GMIP: variants seen among roughly 807,000 people sequenced by gnomAD.
GMIP encodes the protein GEM interacting protein.
Under a neutral mutation model 105.3 loss-of-function variants are expected in GMIP, and 54 were observed. The observed-to-expected ratio is 0.51, with a 90% CI of 0.41 to 0.64. The LOEUF is 0.64. GMIP is among the 30% of genes least tolerant of loss of function. The pLI, the probability that GMIP is intolerant of heterozygous loss-of-function variation, is 0.00. For synonymous variants in GMIP, 541 were observed against 560.8 expected, an observed-to-expected ratio of 0.96 and a Z score of 0.50; for missense variants, 1,110 against 1,319.4, an observed-to-expected ratio of 0.84 and a Z score of 2.46.
intron 13 of GMIP, among the ~76,000 whole-genome samples, chr19:19,636,033 G>A (rs566923528): frequency 6.6e-6 from 1 of 151,886 alleles, no homozygotes; most frequent in African/African-American, 2.4e-5. Context: ...GCAAAACCTT[G>A]TCTCTACTAA....
Position 19,641,989 on chromosome 19 carries a change from G to A in GMIP, c.167C>T (p.Pro56Leu). The A allele has an allele frequency of 6.2e-7, 1 of 1,613,090 alleles. No homozygotes were observed. Among genetic ancestry groups the A allele is most frequent in the Non-Finnish European group, 8.5e-7 (1 of 1,179,096 alleles). Reference protein sequence around the residue: ...LSEDPEPDKTPTATVTNEASC... With the variant: ...LSEDPEPDKTLTATVTNEASC... ...CTCCCCACTCACAACAGTGGCTGTA[G>A]GGGTCTTGTCAGGTTCTGGGTCTTC... The change falls in exon 3 of 21, where the codon CCT becomes CTT. Residue 56 changes from proline (P) to leucine (L), a missense_variant. By Grantham distance (98) the Pro-to-Leu change is moderately conservative. Around this residue, in one of 3 missense-constraint regions of GMIP, gnomAD observed 667 missense variants for 773.2 expected, o/e 0.86. Transcript: ENST00000203556.
In GMIP at chr19:19,634,967, G is replaced by A; in HGVS notation, c.1750-38C>T. The A allele has an allele frequency of 6.2e-7, 1 of 1,613,532 alleles. No homozygotes were observed. Among genetic ancestry groups the A allele is most frequent in the Non-Finnish European group, 8.5e-7 (1 of 1,179,626 alleles). On this transcript the variant is annotated intron_variant, in intron 16 of 20. Transcript: ENST00000203556. This position sits in a 1 kb window ranked among gnomAD's most constrained non-coding sequence, Gnocchi z 6.1. ...GGTGAAAAACAGACACCTGGTTCGT[G>A]ATAGGCCATCGATTCGGTCAGGTCA...
Position 19,643,630 on chromosome 19 carries a change from G to GCCC in GMIP, c.-102_-101insGGG. ...TCCTGCCGCCGCAGCCGCCGCCGCCGCCTCGGTTCCGCGTCGCCCTGCCCA... is the reference window on the plus strand; with the variant it reads ...TCCTGCCGCCGCAGCCGCCGCCGCCGCCCCCTCGGTTCCGCGTCGCCCTGCCCA... On this transcript the variant is annotated 5_prime_UTR_variant, in exon 1 of 21. Transcript: ENST00000203556. The GCCC allele has an allele frequency of 9.4e-7, 1 of 1,060,214 alleles. No homozygotes were observed. Among genetic ancestry groups the GCCC allele is most frequent in the Non-Finnish European group, 1.4e-6 (1 of 740,736 alleles). The allele number at this position is 1,060,214 out of a possible 1,614,324, so 65.7% of individuals were successfully genotyped here.
rs561648624 is a variant in GMIP, at chr19:19,629,811, G to A, written c.*152C>T. ...GGGTTTTAGGCCTCCCCTAGGTCAT[G>A]TATTAAATAGTTTTTCCTTATAGGA... is the stretch of plus-strand genomic sequence containing the variant. On this transcript the variant is annotated 3_prime_UTR_variant, in exon 21 of 21. Coordinates refer to ENST00000203556, the MANE Select transcript of GMIP (RefSeq NM_016573.4). 7.4e-5 allele frequency: 54 copies of A among 727,282 alleles called. No homozygotes were observed. The South Asian group carries it at 1.0e-3, about 13-fold the overall frequency. 45.1% of individuals were successfully genotyped at this position (727,282 alleles called of 1,614,324 possible). A position where few individuals can be genotyped will look rare whatever the true frequency, so the allele number is the denominator to read the frequency against.
intron 13 of GMIP, among the ~76,000 whole-genome samples, chr19:19,636,189 G>A (rs1234300481): frequency 7.2e-6 from 1 of 139,710 alleles, no homozygotes; most frequent in Non-Finnish European, 1.5e-5. Context: ...GGGCAACAGA[G>A]CAAGACTCTG....
Position 19,643,642 on chromosome 19 carries a change from C to T in GMIP, c.-113G>A, listed in dbSNP as rs2061950320. 2.2e-6 allele frequency: 2 copies of T among 918,012 alleles called. No homozygotes were observed. The highest frequency in any genetic ancestry group is 1.8e-5 in the South Asian group (1 of 56,554). 56.9% of individuals were successfully genotyped at this position (918,012 alleles called of 1,614,324 possible). A position where few individuals can be genotyped will look rare whatever the true frequency, so the allele number is the denominator to read the frequency against. On this transcript the variant is annotated 5_prime_UTR_variant, in exon 1 of 21. Coordinates refer to ENST00000203556, the MANE Select transcript of GMIP (RefSeq NM_016573.4). ...AGCCGCCGCCGCCGCCTCGGTTCCGCGTCGCCCTGCCCAGCGGAGGCCACG... is the reference window on the plus strand; with the variant it reads ...AGCCGCCGCCGCCGCCTCGGTTCCGTGTCGCCCTGCCCAGCGGAGGCCACG...
chr19:19,643,185 G>A (rs540706313), intron 1 of GMIP: 17 of 343,020 alleles, frequency 5.0e-5, no homozygotes, highest in East Asian at 5.0e-5. Context: ...GGGCCCTGTG[G>A]GGATCCTACC....
chr19:19,636,658 G>A (rs1373711166), intron 13 of GMIP, 49 bp downstream of exon 13: 1 of 1,361,166 alleles, frequency 7.3e-7, no homozygotes, highest in African/African-American at 1.4e-5. Context: ...CCAGGGGCTG[G>A]AGGATGGTCA....
rs375796180 is a variant in GMIP, at chr19:19,635,371, T to C, written c.1560+44A>G. ...TAGGAATCTCAGGTCAGGGAGATGA[T>C]CAAGGGTCAGCAAAGGTCATTTGGT... On this transcript the variant is annotated intron_variant, in intron 15 of 20. Coordinates refer to ENST00000203556, the MANE Select transcript of GMIP (RefSeq NM_016573.4). The surrounding 1 kb of genome is among the most constrained non-coding windows in gnomAD (Gnocchi z 4.7). 36 of 1,593,664 alleles carry C rather than the reference T, an allele frequency of 2.3e-5. No homozygotes were observed. Among genetic ancestry groups the C allele is most frequent in the East Asian group, 1.3e-4 (6 of 44,686 alleles).
At chr19:19,631,124 C>A (rs1313819985) in intron 19 of GMIP, among the ~76,000 whole-genome samples, 1 of 152,088 alleles carries the variant, frequency 6.6e-6, no homozygotes, top group Non-Finnish European at 1.5e-5. Flanking sequence ...TCGCTTGGAC[C>A]TGGGAGGTGG....
chr19:19,632,898 C>G (rs1461913716), intron 19 of GMIP, among the ~76,000 whole-genome samples: 2 of 152,148 alleles, frequency 1.3e-5, no homozygotes, highest in African/African-American at 4.8e-5. Flanking sequence ...TTGCCTGGAA[C>G]ACCCTTCACC....
At chr19:19,636,652 G>A in intron 13 of GMIP, 55 bp downstream of exon 13, 1 of 1,306,552 alleles carries the variant, frequency 7.7e-7, no homozygotes, top group South Asian at 1.2e-5. Flanking sequence ...GCTTGGCCAG[G>A]GGCTGGAGGA....
rs2061922983 is a variant in GMIP at position 19,641,830 on chromosome 19, T to A, written c.218A>T (p.Glu73Val). The A allele has an allele frequency of 3.7e-6, 6 of 1,612,338 alleles. No homozygotes were observed. The highest frequency in any genetic ancestry group is 5.1e-6 in the Non-Finnish European group (6 of 1,179,706). The change falls in exon 4 of 21, where the codon GAG becomes GTG. Residue 73 changes from glutamate to valine, a missense_variant. Glu to Val is a moderately radical substitution (Grantham distance 121). Around this residue, in one of 3 missense-constraint regions of GMIP, gnomAD observed 667 missense variants for 773.2 expected, o/e 0.86. Coordinates refer to ENST00000203556, the MANE Select transcript of GMIP (RefSeq NM_016573.4). ...EASCWSGPSPEGPVPLTGEEL... is the reference protein window; with the variant it reads ...EASCWSGPSPVGPVPLTGEEL... ...CCTACCTGTGAGGGGTACAGGACCC[T>A]CTGGGGAGGGGCCGCTCCAACAGCT...
intron 19 of GMIP, among the ~76,000 whole-genome samples, chr19:19,631,171 A>G (rs1441172922): frequency 1.3e-5 from 2 of 152,138 alleles, no homozygotes; most frequent in Non-Finnish European, 2.9e-5. Flanking sequence ...CCTGCACTCC[A>G]GTCTGGGTGA....
chr19:19,635,706 TGCCTCGTGCCAGCG>T lies in GMIP; in HGVS notation c.1329_1342del (p.Thr446GlufsTer8). On this transcript the variant is annotated frameshift_variant and splice_region_variant, in exon 14 of 21. Transcript: ENST00000203556. LOFTEE classifies it high-confidence loss of function. This position sits in a 1 kb window ranked among gnomAD's most constrained non-coding sequence, Gnocchi z 4.7. ...GCCTGTGGACGAAGCCTTCACCAGC[TGCCTCGTGCCAGCG>T]CCTGGGGTCAGAGGAATCATGGGAG... 1.9e-6 allele frequency: 3 copies of T among 1,614,138 alleles called. No homozygotes were observed. The highest frequency in any genetic ancestry group is 1.7e-6 in the Non-Finnish European group (2 of 1,179,964).
rs776245274 is a variant in GMIP, at chr19:19,637,377, G to A, written c.1112C>T (p.Pro371Leu). Residue 371 changes from proline to leucine, a missense_variant, in exon 11 of 21, where the codon CCC (proline) becomes CTC (leucine). Around this residue, in one of 3 missense-constraint regions of GMIP, gnomAD observed 667 missense variants for 773.2 expected, o/e 0.86. Coordinates refer to ENST00000203556, the MANE Select transcript of GMIP (RefSeq NM_016573.4). This position sits in a 1 kb window ranked among gnomAD's most constrained non-coding sequence, Gnocchi z 6.7. ...TCCAGTGACCCACCTGTTCAAGGAG[G>A]GAAGGAACTCCTGGAAGGAGAAGGC... Reference protein sequence around the residue: ...PPAFSFQEFLPSLNSSPLDIR... With the variant: ...PPAFSFQEFLLSLNSSPLDIR... The A allele has an allele frequency of 2.0e-6, 3 of 1,506,002 alleles. No homozygotes were observed. The Admixed American group carries it at 7.3e-5, about 37-fold the overall frequency. The allele number at this position is 1,506,002 out of a possible 1,614,324, so 93.3% of individuals were successfully genotyped here.
intron 5 of GMIP, 34 bp from the exon 6 acceptor site, chr19:19,640,394 C>T: frequency 6.2e-7 from 1 of 1,614,118 alleles, no homozygotes; most frequent in East Asian, 2.2e-5. Flanking sequence ...CTGGGTCTAG[C>T]TGGGGTCTGG....
chr19:19,630,049 G>C lies in GMIP; in HGVS notation c.2827C>G (p.Leu943Val), dbSNP rs2061776137. Residue 943 changes from leucine (L) to valine (V), a missense_variant, in exon 21 of 21, where the codon CTA becomes GTA. By Grantham distance (32) the Leu-to-Val change is conservative (BLOSUM62 1). Coordinates refer to ENST00000203556, the MANE Select transcript of GMIP (RefSeq NM_016573.4). This position sits in a 1 kb window ranked among gnomAD's most constrained non-coding sequence, Gnocchi z 4.8. ...HFEITQETAR[L>V]LSKLDSEAVP... ...GCCTCGCTGTCCAATTTCGAGAGTA[G>C]CCGGGCTGTCTCCTGGGTAATCTCA... is the stretch of plus-strand genomic sequence containing the variant. The C allele has an allele frequency of 6.2e-7, 1 of 1,609,334 alleles. No homozygotes were observed. Among genetic ancestry groups the C allele is most frequent in the East Asian group, 2.2e-5 (1 of 44,740 alleles).
Position 19,633,985 on chromosome 19 carries a change from G to T in GMIP, c.2290C>A (p.Gln764Lys). 6.2e-7 allele frequency: 1 copy of T among 1,600,232 alleles called. No homozygotes were observed. The highest frequency in any genetic ancestry group is 8.6e-7 in the Non-Finnish European group (1 of 1,169,362). Residue 764 changes from glutamine to lysine, a missense_variant, in exon 19 of 21, where the codon CAG becomes AAG. Gln to Lys is a moderately conservative substitution (Grantham distance 53). Coordinates refer to ENST00000203556, the MANE Select transcript of GMIP (RefSeq NM_016573.4). ...EQIFGMDELP[Q>K]ATEPPPQDSS... ...TCTTGGGGCGGGGGCTCAGTGGCCT[G>T]GGGGAGCTCATCCATCCCAAAGATC...
Sources: allele counts gnomAD v4.1 joint callset (sites outside exome capture counted in the v4.1 genomes callset), GRCh38; gene constraint gnomAD v4.1.1; regional missense constraint gnomAD v4.1.1; non-coding constraint Gnocchi (gnomAD v3.1); transcripts MANE v1.5; gene names NCBI Gene and HGNC (gene_info 2026-07-23, HGNC 2026-07-21).